The following PLA2G4A variants were observed in gnomAD, a reference collection of about 807,000 sequenced individuals.
PLA2G4A encodes phospholipase A2 group IVA, also known as cytosolic phospholipase A2.
In PLA2G4A, 40 loss-of-function variants were observed where a neutral mutation model predicts 81.9. The ratio of observed to expected loss-of-function variants is 0.49; its 90% CI spans 0.38 to 0.64. The LOEUF is 0.64. PLA2G4A is among the 30% of genes least tolerant of loss of function. PLA2G4A has a pLI of 0.00. For synonymous variants in PLA2G4A, 302 were observed against 296.9 expected (o/e 1.02, Z -0.18); for missense variants, 715 against 905.1 (o/e 0.79, Z 2.69).
rs202209241 is a variant in PLA2G4A, at chr1:186,946,975, A to T, written c.1264+14A>T. On this transcript the variant is annotated intron_variant, in intron 12 of 17. Coordinates refer to ENST00000367466, the MANE Select transcript of PLA2G4A (RefSeq NM_024420.3). ...AGGAAGAATTAGGTATCCTAAAGAT[A>T]TGCTTACATTGATACAAATCTTGCT... is the stretch of plus-strand genomic sequence containing the variant. 1.3e-5 allele frequency: 18 copies of T among 1,359,380 alleles called. No homozygotes were observed. In the Admixed American group the frequency reaches 3.0e-4, roughly 23 times the overall value. 84.2% of individuals were successfully genotyped at this position (1,359,380 alleles called of 1,614,324 possible). A position where few individuals can be genotyped will look rare whatever the true frequency, so the allele number is the denominator to read the frequency against.
chr1:186,917,602 A>G (rs762255031), intron 7 of PLA2G4A, among the ~76,000 whole-genome samples: 16 of 152,182 alleles, frequency 1.1e-4, no homozygotes, highest in Non-Finnish European at 1.3e-4. Context: ...CAAGTGAGCC[A>G]CAAATGCCGG....
intron 1 of PLA2G4A, among the ~76,000 whole-genome samples, chr1:186,839,871 G>A (rs2102004841): frequency 6.6e-6 from 1 of 151,488 alleles, no homozygotes; most frequent in African/African-American, 2.4e-5. Context: ...AGTAGAAGGG[G>A]AAAAATGTGC....
At chr1:186,950,976 C>T (rs1438752425) in intron 13 of PLA2G4A, among the ~76,000 whole-genome samples, 1 of 152,208 alleles carries the variant, frequency 6.6e-6, no homozygotes, top group Non-Finnish European at 1.5e-5. Flanking sequence ...ATGAACAGAT[C>T]CAAGATGGTA....
intron 2 of PLA2G4A, among the ~76,000 whole-genome samples, chr1:186,866,654 T>C (rs1481528283): frequency 6.6e-6 from 1 of 152,120 alleles, no homozygotes; most frequent in Non-Finnish European, 1.5e-5. Context: ...TATTAAATAA[T>C]GGATAAAAAA....
chr1:186,837,754 A>AAAG (rs1553267323), intron 1 of PLA2G4A, among the ~76,000 whole-genome samples: 1 of 140,134 alleles, frequency 7.1e-6, no homozygotes, highest in Non-Finnish European at 1.5e-5. Context: ...AAAAAAAAAG[A>AAAG]AAAAGAAAAG....
rs182778660 is a variant in PLA2G4A at position 186,886,406 on chromosome 1, C to T, written c.116-6605C>T. 1.1e-4 allele frequency among the ~76,000 whole-genome samples: 16 copies of T among 152,212 alleles called. 1 individual carries two copies. In the East Asian group the frequency reaches 2.5e-3, roughly 24 times the overall value. On this transcript the variant is annotated intron_variant, in intron 3 of 17. Coordinates refer to ENST00000367466, the MANE Select transcript of PLA2G4A (RefSeq NM_024420.3). ...GAAAAAGACTGAATCCTAACTCCTACCTCATACCTCAACCAGCTTAGTACA... is the reference window on the plus strand; with the variant it reads ...GAAAAAGACTGAATCCTAACTCCTATCTCATACCTCAACCAGCTTAGTACA...
intron 1 of PLA2G4A, among the ~76,000 whole-genome samples, chr1:186,853,195 AC>A (rs1005219724): frequency 1.3e-5 from 2 of 151,876 alleles, no homozygotes; most frequent in African/African-American, 4.8e-5. Flanking sequence ...CATATTTTTT[AC>A]AACCAAATAT....
At chr1:186,852,269 G>A (rs968884905) in intron 1 of PLA2G4A, among the ~76,000 whole-genome samples, 2 of 151,966 alleles carry the variant, frequency 1.3e-5, no homozygotes, top group African/African-American at 4.8e-5. Flanking sequence ...TGGTCATAAA[G>A]CAAGAAAGCA....
chr1:186,943,733 A>G (rs561463462), intron 10 of PLA2G4A, among the ~76,000 whole-genome samples: 331 of 152,320 alleles, frequency 2.2e-3, no homozygotes, highest in Non-Finnish European at 3.4e-3. Flanking sequence ...ATTAAAAAAA[A>G]CAACTAGTCT....
intron 3 of PLA2G4A, among the ~76,000 whole-genome samples, chr1:186,874,339 C>A (rs1266507855): frequency 1.3e-5 from 2 of 150,098 alleles, no homozygotes; most frequent in African/African-American, 4.9e-5. Context: ...ATAGCTGACA[C>A]AAATGCAATA....
intron 1 of PLA2G4A, among the ~76,000 whole-genome samples, chr1:186,831,014 CTTTCTT>C (rs1651564719): frequency 7.4e-6 from 1 of 135,328 alleles, no homozygotes; most frequent in Admixed American, 7.5e-5. Context: ...TTCTTTCTTT[CTTTCTT>C]TTTCTTTCTT....
chr1:186,922,148 A>G (rs945137254), intron 7 of PLA2G4A, among the ~76,000 whole-genome samples: 19 of 152,156 alleles, frequency 1.2e-4, no homozygotes, highest in Admixed American at 1.2e-3. Context: ...ACAAAAGACC[A>G]TGCTCACACC....
chr1:186,922,184 G>T (rs1335583428), intron 7 of PLA2G4A, among the ~76,000 whole-genome samples: 1 of 152,062 alleles, frequency 6.6e-6, no homozygotes, highest in Non-Finnish European at 1.5e-5. Flanking sequence ...AACAAAGAAC[G>T]GGTAAAAAGG....
intron 7 of PLA2G4A, among the ~76,000 whole-genome samples, chr1:186,931,982 T>A (rs1655761721): frequency 6.6e-6 from 1 of 152,164 alleles, no homozygotes; most frequent in African/African-American, 2.4e-5. Flanking sequence ...TCTCTGTAAA[T>A]GTAACCTGAA....
chr1:186,932,532 T>C (rs2024656), intron 7 of PLA2G4A, among the ~76,000 whole-genome samples: 46,394 of 151,856 alleles, frequency 0.31, 9,627 homozygotes, highest in African/African-American at 0.58. Flanking sequence ...AACTCCTGAC[T>C]TCAGGTGATG....
At chr1:186,877,474 C>T (rs1188543415) in intron 3 of PLA2G4A, among the ~76,000 whole-genome samples, 3 of 151,916 alleles carry the variant, frequency 2.0e-5, no homozygotes. Context: ...ACCTTAGAGA[C>T]AAGAAATGTC....
chr1:186,877,858 G>C (rs950522178), intron 3 of PLA2G4A, among the ~76,000 whole-genome samples: 1 of 150,538 alleles, frequency 6.6e-6, no homozygotes, highest in African/African-American at 2.4e-5. Context: ...GCTTCAGTGA[G>C]ACAGAATTTT....
intron 15 of PLA2G4A, among the ~76,000 whole-genome samples, chr1:186,966,118 T>TAAA (rs10609057): frequency 1.7e-5 from 2 of 119,508 alleles, no homozygotes; most frequent in Non-Finnish European, 3.4e-5. Context: ...GAGTGGAAGT[T>TAAA]AAAAAAAAAA....
At position 186,952,226 on chromosome 1, in the gene PLA2G4A, A is replaced by T. The variant is rs577303179; in HGVS notation, c.1336+1498A>T. Among the ~76,000 whole-genome samples, 11 of 152,218 alleles carry T rather than the reference A, an allele frequency of 7.2e-5. No homozygotes were observed. In the South Asian group the frequency reaches 2.3e-3, roughly 32 times the overall value. On this transcript the variant is annotated intron_variant, in intron 13 of 17. Transcript: ENST00000367466. ...TCTCCATTATTAAGTATTTCTATAGATAGTCAGTACATTTGATAACCCCTA... is the reference window on the plus strand; with the variant it reads ...TCTCCATTATTAAGTATTTCTATAGTTAGTCAGTACATTTGATAACCCCTA...
Sources: allele counts gnomAD v4.1 joint callset (sites outside exome capture counted in the v4.1 genomes callset), GRCh38; gene constraint gnomAD v4.1.1; transcripts MANE v1.5; gene names NCBI Gene and HGNC (gene_info 2026-07-23, HGNC 2026-07-21).